The following MAP2K1 variants were observed in gnomAD, a reference collection of about 807,000 sequenced individuals.
MAP2K1 encodes the protein mitogen-activated protein kinase kinase 1.
MAP2K1 carries 16 observed loss-of-function variants against 46.3 expected under a neutral mutation model. That is an observed-to-expected ratio of 0.35 (90% CI 0.23 to 0.52). The LOEUF (loss-of-function observed/expected upper bound fraction) is 0.52, where lower values mean the gene tolerates loss of function less well. Ranked by LOEUF, MAP2K1 falls within the 20% of genes least tolerant of loss-of-function variation. The probability of loss-of-function intolerance (pLI) is 0.94; values close to 1 mark genes in which losing one functional copy is unlikely to be tolerated. For synonymous variants in MAP2K1, 183 were observed against 185.6 expected (o/e 0.99, Z 0.11); for missense variants, 263 against 497.1 (o/e 0.53, Z 4.48).
chr15:66,434,131 A>T (rs1434762562), intron 1 of MAP2K1, among the ~76,000 whole-genome samples: 1 of 152,242 alleles, frequency 6.6e-6, no homozygotes, highest in Non-Finnish European at 1.5e-5. Context: ...CTGCAAATGA[A>T]GTGATTTTTT....
chr15:66,477,791 G>A (rs997193157), intron 5 of MAP2K1, among the ~76,000 whole-genome samples: 7 of 152,218 alleles, frequency 4.6e-5, no homozygotes, highest in African/African-American at 1.2e-4. Flanking sequence ...TGGGAGGAGT[G>A]GAAGAGGGCT....
Position 66,393,422 on chromosome 15 carries a change from C to T in MAP2K1, c.80+5995C>T, listed in dbSNP as rs1244437173. 4.6e-5 allele frequency among the ~76,000 whole-genome samples: 7 copies of T among 152,226 alleles called. No homozygotes were observed. In the East Asian group the frequency reaches 1.4e-3, roughly 29 times the overall value. ...CCAAGTCCTGACCTTGTGATCTGCC[C>T]TCCTTGGCCTCCCAAAGTGCTGGGA... On this transcript the variant is annotated intron_variant, in intron 1 of 10. Coordinates refer to ENST00000307102, the MANE Select transcript of MAP2K1 (RefSeq NM_002755.4).
intron 5 of MAP2K1, chr15:66,444,940 T>A: frequency 1.9e-6 from 1 of 533,650 alleles, no homozygotes. Context: ...ATAGTCACCC[T>A]GGAAGCCCAG....
intron 3 of MAP2K1, 88 bp downstream of exon 3, chr15:66,436,980 A>C (rs2140584971): frequency 7.3e-7 from 1 of 1,360,718 alleles, no homozygotes; most frequent in Non-Finnish European, 1.0e-6. Flanking sequence ...GTGACCAGCT[A>C]CCTCCCTGCT....
chr15:66,485,425 TTTATACA>T (rs1373256304), intron 7 of MAP2K1, among the ~76,000 whole-genome samples: 2 of 152,230 alleles, frequency 1.3e-5, no homozygotes, highest in Non-Finnish European at 2.9e-5. Flanking sequence ...CACTTAGGAC[TTTATACA>T]TTATCTAACC....
intron 1 of MAP2K1, 132 bp downstream of exon 1, chr15:66,387,559 G>C (rs2093344945): frequency 2.3e-6 from 2 of 869,896 alleles, no homozygotes; most frequent in South Asian, 1.5e-5. Flanking sequence ...GAAACTCCCG[G>C]CCGCCGAGGT....
intron 1 of MAP2K1, among the ~76,000 whole-genome samples, chr15:66,398,733 G>A (rs2093374100): frequency 6.6e-6 from 1 of 151,802 alleles, no homozygotes. Context: ...ATGCATTGTT[G>A]AGACAGTTGG....
At chr15:66,445,201 C>T (rs1449139737) in intron 5 of MAP2K1, among the ~76,000 whole-genome samples, 1 of 151,956 alleles carries the variant, frequency 6.6e-6, no homozygotes, top group African/African-American at 2.4e-5. Context: ...CCAGCCTGAC[C>T]CAACATGGTG....
At chr15:66,482,584 C>T (rs1386515009) in intron 6 of MAP2K1, among the ~76,000 whole-genome samples, 1 of 152,222 alleles carries the variant, frequency 6.6e-6, no homozygotes, top group African/African-American at 2.4e-5. Context: ...GCCATCCTCA[C>T]ACTATGGCAG....
chr15:66,469,713 C>CAA, intron 5 of MAP2K1, among the ~76,000 whole-genome samples: 2 of 144,574 alleles, frequency 1.4e-5, no homozygotes, highest in South Asian at 4.8e-4. Context: ...CACACACACA[C>CAA]ACACACACAC....
At chr15:66,469,472 C>CTTTTTTTTTTTTTT (rs370379739) in intron 5 of MAP2K1, among the ~76,000 whole-genome samples, 7 of 76,636 alleles carry the variant, frequency 9.1e-5, no homozygotes, top group African/African-American at 2.8e-4. Flanking sequence ...CTGGTGCCTC[C>CTTTTTTTTTTTTTT]TTTTTTTTTT....
At chr15:66,439,479 G>A (rs1206512704) in intron 3 of MAP2K1, among the ~76,000 whole-genome samples, 4 of 151,850 alleles carry the variant, frequency 2.6e-5, no homozygotes, top group African/African-American at 2.4e-5. Context: ...TAAAAATTAC[G>A]AAAATGGCCA....
At chr15:66,429,680 T>TCCCCCC (rs1567007438) in intron 1 of MAP2K1, among the ~76,000 whole-genome samples, 3 of 31,920 alleles carry the variant, frequency 9.4e-5, no homozygotes, top group African/African-American at 1.8e-4. Context: ...CCCCCCCCCG[T>TCCCCCC]CCCCCCCAAC....
intron 1 of MAP2K1, among the ~76,000 whole-genome samples, chr15:66,405,861 C>G (rs1384439726): frequency 6.6e-6 from 1 of 152,224 alleles, no homozygotes; most frequent in Non-Finnish European, 1.5e-5. Flanking sequence ...GGTTCTTTCT[C>G]TGACTTCCTA....
chr15:66,489,603 C>A, intron 9 of MAP2K1, 115 bp from the exon 10 acceptor site: 1 of 845,634 alleles, frequency 1.2e-6, no homozygotes, highest in Non-Finnish European at 2.1e-6. Flanking sequence ...GAGGATGAAT[C>A]AAGCCCAGGC....
chr15:66,471,658 AT>A (rs5813395), intron 5 of MAP2K1, among the ~76,000 whole-genome samples: 117,642 of 151,468 alleles, frequency 0.78, 46,003 homozygotes, highest in East Asian at 0.93. Flanking sequence ...AATAAAGATG[AT>A]TTTTTTTTTT....
intron 6 of MAP2K1, among the ~76,000 whole-genome samples, chr15:66,483,462 A>C (rs1189280692): frequency 6.6e-6 from 1 of 152,190 alleles, no homozygotes; most frequent in Non-Finnish European, 1.5e-5. Flanking sequence ...GTTACTAATC[A>C]AGGGTTTAAT....
At chr15:66,467,714 C>T (rs914291236) in intron 5 of MAP2K1, among the ~76,000 whole-genome samples, 1 of 152,186 alleles carries the variant, frequency 6.6e-6, no homozygotes, top group African/African-American at 2.4e-5. Context: ...GTGCCTGCCA[C>T]CACGCCCAAC....
intron 1 of MAP2K1, 92 bp from the exon 2 acceptor site, chr15:66,434,935 C>T (rs1758890850): frequency 1.1e-6 from 1 of 901,744 alleles, no homozygotes; most frequent in Non-Finnish European, 1.9e-6. Flanking sequence ...TGTCTGGCCC[C>T]AGACCTGGAG....
Sources: gnomAD v4.1 joint callset for allele counts (sites outside exome capture counted in the v4.1 genomes callset) on GRCh38, gnomAD v4.1.1 for gene constraint, MANE v1.5 for transcripts, NCBI Gene and HGNC (gene_info 2026-07-23, HGNC 2026-07-21) for gene names.